LPP: variants seen among roughly 807,000 people sequenced by gnomAD.
LPP encodes the protein lipoma-preferred partner.
In LPP, 38 loss-of-function variants were observed where a neutral mutation model predicts 60.4. The ratio of observed to expected loss-of-function variants is 0.63; its 90% CI spans 0.49 to 0.83. The LOEUF (loss-of-function observed/expected upper bound fraction) is 0.83. LPP is among the 40% of genes least tolerant of loss of function. The probability of loss-of-function intolerance (pLI) is 0.00; values close to 1 mark genes in which losing one functional copy is unlikely to be tolerated. For synonymous variants in LPP, 328 were observed against 290.8 expected (o/e 1.13, Z -1.30); for missense variants, 902 against 783.6 (o/e 1.15, Z -1.80).
chr3:188,314,646 T>A (rs1047348020), intron 2 of LPP, among the ~76,000 whole-genome samples: 73 of 152,018 alleles, frequency 4.8e-4, no homozygotes, highest in Non-Finnish European at 7.2e-4. Context: ...AATAGTGAAA[T>A]CTCGTCTCTA....
intron 1 of LPP, among the ~76,000 whole-genome samples, chr3:188,165,865 C>G (rs1026440175): frequency 1.3e-5 from 2 of 152,040 alleles, no homozygotes; most frequent in African/African-American, 2.4e-5. Flanking sequence ...AGTTCACAGC[C>G]CTGGTCCCAG....
At chr3:188,485,277 G>T (rs1806017398) in intron 5 of LPP, among the ~76,000 whole-genome samples, 3 of 152,138 alleles carry the variant, frequency 2.0e-5, no homozygotes, top group South Asian at 2.1e-4. Context: ...GTAACTCGGG[G>T]CTGGGATCAG....
intron 4 of LPP, among the ~76,000 whole-genome samples, chr3:188,462,660 AT>A (rs1799435160): frequency 9.8e-6 from 1 of 102,098 alleles, no homozygotes; most frequent in Admixed American, 1.1e-4. Flanking sequence ...TTTATTTTTA[AT>A]TTTGTTCCAA....
At chr3:188,236,400 C>T (rs1721945854) in intron 2 of LPP, among the ~76,000 whole-genome samples, 1 of 152,064 alleles carries the variant, frequency 6.6e-6, no homozygotes, top group Non-Finnish European at 1.5e-5. Context: ...GTGTGTAGAA[C>T]TGACTGAAAG....
intron 1 of LPP, among the ~76,000 whole-genome samples, chr3:188,193,262 C>G (rs576084278): frequency 6.6e-6 from 1 of 152,252 alleles, no homozygotes; most frequent in South Asian, 2.1e-4. Flanking sequence ...ACCATTACAA[C>G]AAGGAAAACA....
chr3:188,569,088 T>G (rs1361401650), intron 6 of LPP: 1 of 151,830 alleles, frequency 6.6e-6, no homozygotes, highest in Non-Finnish European at 1.5e-5. Context: ...AAGAATGGTG[T>G]TTTTGGCTGA....
At chr3:188,620,106 AT>A (rs1258951895) in intron 7 of LPP, among the ~76,000 whole-genome samples, 1 of 152,106 alleles carries the variant, frequency 6.6e-6, no homozygotes, top group East Asian at 1.9e-4. Context: ...CTCATTCAGT[AT>A]TTTTATATAA....
Position 188,229,695 on chromosome 3 carries a change from A to G in LPP, c.-67+4168A>G, listed in dbSNP as rs1202069280. On this transcript the variant is annotated intron_variant, in intron 2 of 11. Coordinates refer to ENST00000617246, the MANE Select transcript of LPP (RefSeq NM_001375462.1). ...GGTATGTTTGCTGTCCACGAAAGTA[A>G]AAAGTAGTGATATCTCTTTCTCTCT... Among the ~76,000 whole-genome samples the G allele has an allele frequency of 3.9e-5, 6 of 152,204 alleles. No individual in the cohort carries two copies. In the East Asian group the frequency reaches 1.2e-3, roughly 29 times the overall value.
At chr3:188,186,780 A>G (rs1261880812) in intron 1 of LPP, among the ~76,000 whole-genome samples, 1 of 145,326 alleles carries the variant, frequency 6.9e-6, no homozygotes, top group Non-Finnish European at 1.5e-5. Flanking sequence ...TCATATTTCT[A>G]AATAATATGC....
chr3:188,731,516 T>TTTTTGTTTTGTTTTGTTTTGTTTTG (rs71298537), intron 8 of LPP, among the ~76,000 whole-genome samples: 19,135 of 145,692 alleles, frequency 0.13, 1,510 homozygotes, highest in Middle Eastern at 0.24. Flanking sequence ...TTTTTTGTTT[T>TTTTTGTTTTGTTTTGTTTTGTTTTG]TTTTGTTTTG....
At chr3:188,789,299 G>A (rs2150996199) in intron 9 of LPP, among the ~76,000 whole-genome samples, 1 of 152,132 alleles carries the variant, frequency 6.6e-6, no homozygotes, top group East Asian at 1.9e-4. Context: ...TGTTGTTGTT[G>A]TTGTTGAACG....
intron 5 of LPP, among the ~76,000 whole-genome samples, chr3:188,511,284 C>A (rs1381444148): frequency 8.4e-6 from 1 of 119,546 alleles, no homozygotes; most frequent in Non-Finnish European, 1.8e-5. Flanking sequence ...CCTCCCTTCC[C>A]TCCCTTCCTT....
Position 188,708,522 on chromosome 3 carries a change from C to T in LPP, c.1240+129C>T, listed in dbSNP as rs1357975304. The T allele has an allele frequency of 5.1e-6, 6 of 1,184,722 alleles. No homozygotes were observed. In the African/African-American group the frequency reaches 7.5e-5, roughly 15 times the overall value. The allele number at this position is 1,184,722 out of a possible 1,614,324, so 73.4% of individuals were successfully genotyped here. A position where few individuals can be genotyped will look rare whatever the true frequency, so the allele number is the denominator to read the frequency against. On this transcript the variant is annotated intron_variant, in intron 8 of 11. Transcript: ENST00000617246. ...CAGATGCATGAGAGTTGATATACAT[C>T]CCCGCACAACTAAGTAATTGTAGGA...
chr3:188,173,926 T>C (rs767881387), intron 1 of LPP, among the ~76,000 whole-genome samples: 3 of 152,218 alleles, frequency 2.0e-5, no homozygotes, highest in Non-Finnish European at 4.4e-5. Context: ...CTCCTCCACC[T>C]TTCCCCTCAT....
At chr3:188,207,225 TTC>T (rs1406157589) in intron 1 of LPP, among the ~76,000 whole-genome samples, 1 of 150,566 alleles carries the variant, frequency 6.6e-6, no homozygotes, top group Admixed American at 6.6e-5. Context: ...TTTTTTTTTT[TTC>T]TTTTCTTTTT....
At chr3:188,786,294 C>T (rs933336176) in intron 9 of LPP, among the ~76,000 whole-genome samples, 4 of 141,810 alleles carry the variant, frequency 2.8e-5, no homozygotes, top group Non-Finnish European at 6.0e-5. Context: ...GAGGCAGGAG[C>T]ATTGTTTGAA....
At chr3:188,753,811 A>G (rs1577352358) in intron 8 of LPP, among the ~76,000 whole-genome samples, 1 of 151,950 alleles carries the variant, frequency 6.6e-6, no homozygotes, top group Non-Finnish European at 1.5e-5. Context: ...GTAGAGGGAA[A>G]AACAAGAGAG....
chr3:188,609,740 G>C lies in LPP; in HGVS notation c.1009G>C (p.Ala337Pro), dbSNP rs757821882. The stretch of plus-strand genomic sequence containing the variant: ...GGAACCAGGGTACACTCCTCCTGGA[G>C]CAGGGAACCAGAACCCTCCTGGGAT... Reference protein sequence around the residue: ...KREPGYTPPGAGNQNPPGMYP... With the variant: ...KREPGYTPPGPGNQNPPGMYP... The change falls in exon 7 of 12, where the codon GCA (alanine) becomes CCA (proline). Residue 337 changes from alanine (A) to proline (P), a missense_variant. By Grantham distance (27) the Ala-to-Pro change is conservative. Coordinates refer to ENST00000617246, the MANE Select transcript of LPP (RefSeq NM_001375462.1). The surrounding 1 kb of genome is among the most constrained non-coding windows in gnomAD (Gnocchi z 6.9). The C allele has an allele frequency of 1.9e-5, 30 of 1,614,014 alleles. No homozygotes were observed. The highest frequency in any genetic ancestry group is 5.0e-5 in the Admixed American group (3 of 60,008).
At chr3:188,443,170 C>G (rs1445553212) in intron 4 of LPP, among the ~76,000 whole-genome samples, 1 of 152,120 alleles carries the variant, frequency 6.6e-6, no homozygotes, top group Non-Finnish European at 1.5e-5. Flanking sequence ...ACACATAATA[C>G]TTGCAAAAAA....
Sources: gnomAD v4.1 joint callset for allele counts (sites outside exome capture counted in the v4.1 genomes callset) on GRCh38, gnomAD v4.1.1 for gene constraint, Gnocchi (gnomAD v3.1) non-coding constraint, MANE v1.5 for transcripts, NCBI Gene and HGNC (gene_info 2026-07-23, HGNC 2026-07-21) for gene names.